The following ABCD3 variants were observed in gnomAD, a reference collection of about 807,000 sequenced individuals.
ABCD3 encodes the protein ATP binding cassette subfamily D member 3.
A neutral mutation model predicts 105.5 loss-of-function variants in ABCD3; 41 were observed. That is an observed-to-expected ratio of 0.39 (90% CI 0.30 to 0.50). The LOEUF is 0.50. Among genes scored for constraint, ABCD3 ranks in the 20% least tolerant of loss-of-function variants. ABCD3 has a pLI of 0.84. For synonymous variants in ABCD3, 258 were observed against 269.0 expected (o/e 0.96, Z 0.40); for missense variants, 622 against 806.3 (o/e 0.77, Z 2.77).
At chr1:94,448,341 T>C (rs901972857) in intron 1 of ABCD3, among the ~76,000 whole-genome samples, 1 of 152,178 alleles carries the variant, frequency 6.6e-6, no homozygotes, top group Non-Finnish European at 1.5e-5. Flanking sequence ...TTTGTGGGTA[T>C]TCTCGATAAT....
intron 16 of ABCD3, among the ~76,000 whole-genome samples, chr1:94,494,790 C>T (rs1054160338): frequency 3.3e-5 from 5 of 152,098 alleles, no homozygotes; most frequent in African/African-American, 1.2e-4. Context: ...TGGAGAGATC[C>T]TAAGAGGTAA....
chr1:94,480,593 C>T lies in ABCD3; in HGVS notation c.814C>T (p.Leu272Phe). Residue 272 changes from leucine to phenylalanine, a missense_variant, in exon 9 of 23, where the codon CTC becomes TTC. Coordinates refer to ENST00000370214, the MANE Select transcript of ABCD3 (RefSeq NM_002858.4). ...AGAATATAGATATGTTAATTCTCGG[C>T]TCATCACAAACAGGTAAAGACAAAT... ...EGEYRYVNSR[L>F]ITNSEEIAFY... 6.2e-7 allele frequency: 1 copy of T among 1,613,656 alleles called. No homozygotes were observed. Among genetic ancestry groups the T allele is most frequent in the South Asian group, 1.1e-5 (1 of 91,072 alleles).
chr1:94,444,941 C>T (rs1190450339), intron 1 of ABCD3, among the ~76,000 whole-genome samples: 1 of 152,160 alleles, frequency 6.6e-6, no homozygotes, highest in Admixed American at 6.6e-5. Context: ...GACACCTGGC[C>T]CACCCAGGTT....
chr1:94,514,903 G>GT (rs34993122), intron 21 of ABCD3: 3 of 477,536 alleles, frequency 6.3e-6, no homozygotes, highest in Non-Finnish European at 1.1e-5. Context: ...TAGGAGATAT[G>GT]TTTTTTGCCC....
At chr1:94,501,201 C>T (rs936781009) in intron 20 of ABCD3, among the ~76,000 whole-genome samples, 3 of 146,626 alleles carry the variant, frequency 2.0e-5, no homozygotes, top group Non-Finnish European at 4.4e-5. Flanking sequence ...GCATAGGCTG[C>T]AGTGAGCCAA....
chr1:94,475,490 T>C, intron 6 of ABCD3, 124 bp from the exon 7 acceptor site: 1 of 1,015,136 alleles, frequency 9.9e-7, no homozygotes. Context: ...CAATAGGATC[T>C]CTTCTGGCTC....
At chr1:94,498,704 T>C (rs746534978) in intron 17 of ABCD3, 25 bp downstream of exon 17, 1 of 1,613,834 alleles carries the variant, frequency 6.2e-7, no homozygotes. Flanking sequence ...GCCTCAAAAT[T>C]TTGCAGTCTT....
At chr1:94,428,347 A>G (rs1659548485) in intron 1 of ABCD3, among the ~76,000 whole-genome samples, 1 of 152,200 alleles carries the variant, frequency 6.6e-6, no homozygotes, top group Admixed American at 6.5e-5. Flanking sequence ...AATTATTTGG[A>G]CTTTAATATT....
At chr1:94,497,230 T>G (rs1192087692) in intron 16 of ABCD3, among the ~76,000 whole-genome samples, 2 of 152,216 alleles carry the variant, frequency 1.3e-5, no homozygotes, top group Non-Finnish European at 2.9e-5. Flanking sequence ...TGTATGTCTC[T>G]TACCACTAGA....
At chr1:94,440,498 C>A (rs1660093196) in intron 1 of ABCD3, among the ~76,000 whole-genome samples, 1 of 152,150 alleles carries the variant, frequency 6.6e-6, no homozygotes, top group African/African-American at 2.4e-5. Context: ...GCTCCAAGCC[C>A]AATAGACATT....
intron 1 of ABCD3, among the ~76,000 whole-genome samples, chr1:94,424,482 G>A (rs1227485335): frequency 6.6e-6 from 1 of 151,868 alleles, no homozygotes; most frequent in Non-Finnish European, 1.5e-5. Flanking sequence ...GAGTGTAATG[G>A]CACCATCTTG....
Position 94,499,993 on chromosome 1 carries a change from C to A in ABCD3, c.1740+379C>A, listed in dbSNP as rs1172253791. Among the ~76,000 whole-genome samples the A allele has an allele frequency of 1.3e-5, 2 of 152,100 alleles. 1 individual carries two copies. Among genetic ancestry groups the A allele is most frequent in the African/African-American group, 4.8e-5 (2 of 41,408 alleles). On this transcript the variant is annotated intron_variant, in intron 20 of 22. Coordinates refer to ENST00000370214, the MANE Select transcript of ABCD3 (RefSeq NM_002858.4). ...TCTCTTTTGTATCACTCAGGCTATT[C>A]TTTCTGAAATAGCTGAAGGTATTAG...
intron 4 of ABCD3, among the ~76,000 whole-genome samples, 163 bp downstream of exon 4, chr1:94,468,170 A>T (rs1417297807): frequency 1.3e-5 from 2 of 152,214 alleles, no homozygotes; most frequent in Non-Finnish European, 2.9e-5. Flanking sequence ...AGTGTTTCCC[A>T]TGTGCCAGGC....
At chr1:94,417,496 C>T (rs1659069028), upstream of ABCD3, among the ~76,000 whole-genome samples, 1 of 152,224 alleles carries the variant, frequency 6.6e-6, no homozygotes, top group South Asian at 2.1e-4. Flanking sequence ...ATTCCTGCAA[C>T]ATAGGGTCAG....
At chr1:94,411,575 T>C in the ABCD3 span, among the ~76,000 whole-genome samples, 2 of 152,150 alleles carry the variant, frequency 1.3e-5, no homozygotes, top group African/African-American at 2.4e-5. Flanking sequence ...AGTTTGGCAG[T>C]TCCTCAAAAA....
chr1:94,396,471 T>C, the ABCD3 span, among the ~76,000 whole-genome samples: 1 of 152,182 alleles, frequency 6.6e-6, no homozygotes, highest in Non-Finnish European at 1.5e-5. Flanking sequence ...CCTCGTTTTC[T>C]AGAATCCCCC....
At chr1:94,434,634 A>G (rs897431518) in intron 1 of ABCD3, among the ~76,000 whole-genome samples, 2 of 152,204 alleles carry the variant, frequency 1.3e-5, no homozygotes, top group African/African-American at 4.8e-5. Context: ...CTGAAATGTT[A>G]TGCAGTACAT....
chr1:94,517,397 A>G lies in ABCD3; in HGVS notation c.*268A>G. ...GTGGTTAAAAACCTGCCTAAATTAAATTGGGCTTCAATCACTGTAACCTGA... is the reference window on the plus strand; with the variant it reads ...GTGGTTAAAAACCTGCCTAAATTAAGTTGGGCTTCAATCACTGTAACCTGA... On this transcript the variant is annotated 3_prime_UTR_variant, in exon 23 of 23. Coordinates refer to ENST00000370214, the MANE Select transcript of ABCD3 (RefSeq NM_002858.4). The G allele has an allele frequency of 7.8e-6, 3 of 384,518 alleles. No individual in the cohort carries two copies. The highest frequency in any genetic ancestry group is 6.8e-5 in the South Asian group (3 of 44,264). 23.8% of individuals were successfully genotyped at this position (384,518 alleles called of 1,614,324 possible). A position where few individuals can be genotyped will look rare whatever the true frequency, so the allele number is the denominator to read the frequency against.
chr1:94,407,365 G>T, the ABCD3 span, among the ~76,000 whole-genome samples: 10 of 152,056 alleles, frequency 6.6e-5, no homozygotes, highest in Non-Finnish European at 1.5e-4. Flanking sequence ...GGTCAGGCTG[G>T]TCTCAAACTC....
Sources: allele counts gnomAD v4.1 joint callset (sites outside exome capture counted in the v4.1 genomes callset), GRCh38; gene constraint gnomAD v4.1.1; transcripts MANE v1.5; gene names NCBI Gene and HGNC (gene_info 2026-07-23, HGNC 2026-07-21).